The following LGSN variants were observed in gnomAD, a reference collection of about 807,000 sequenced individuals.
The protein encoded by LGSN is lengsin.
In LGSN, 21 loss-of-function variants were observed where a neutral mutation model predicts 19.5. The observed-to-expected ratio is 1.07, with a 90% CI of 0.76 to 1.55. The LOEUF (loss-of-function observed/expected upper bound fraction) is 1.55. Ranked by LOEUF, LGSN falls within the 40% of genes most tolerant of loss-of-function variation. The pLI, the probability that LGSN is intolerant of heterozygous loss-of-function variation, is 0.00. For synonymous variants in LGSN, 257 were observed against 215.6 expected, an observed-to-expected ratio of 1.19 and a Z score of -1.68; for missense variants, 673 against 608.5, an observed-to-expected ratio of 1.11 and a Z score of -1.12.
At chr6:63,300,928 G>T (rs1024772956) in intron 1 of LGSN, among the ~76,000 whole-genome samples, 5 of 152,068 alleles carry the variant, frequency 3.3e-5, no homozygotes, top group Admixed American at 2.0e-4. Flanking sequence ...AACTTCCTAG[G>T]TTTTACACTG....
chr6:63,486,929 G>A, the LGSN span, among the ~76,000 whole-genome samples: 3 of 151,624 alleles, frequency 2.0e-5, no homozygotes, highest in South Asian at 2.1e-4. Context: ...TCCACCTCCC[G>A]GGTTCCAGTG....
the LGSN span, among the ~76,000 whole-genome samples, chr6:63,518,699 T>A: frequency 3.9e-5 from 6 of 152,230 alleles, no homozygotes; most frequent in Non-Finnish European, 8.8e-5. Context: ...GCCTTCACAG[T>A]GTACTAACAA....
chr6:63,527,340 C>T, the LGSN span, among the ~76,000 whole-genome samples: 4 of 152,160 alleles, frequency 2.6e-5, no homozygotes, highest in Non-Finnish European at 4.4e-5. Context: ...CTTACAGATT[C>T]TCGTATCACC....
chr6:63,395,270 A>G, the LGSN span: 1 of 152,254 alleles, frequency 6.6e-6, no homozygotes, highest in Non-Finnish European at 1.5e-5. Context: ...ATAGTGAAGT[A>G]TAATAAAGTT....
chr6:63,469,481 T>C, the LGSN span, among the ~76,000 whole-genome samples: 1 of 152,168 alleles, frequency 6.6e-6, no homozygotes, highest in African/African-American at 2.4e-5. Context: ...GGACCACCAA[T>C]ATTCAAGACA....
the LGSN span, among the ~76,000 whole-genome samples, chr6:63,349,400 C>T: frequency 2.9e-3 from 446 of 152,232 alleles, 3 homozygotes; most frequent in African/African-American, 0.01. Context: ...ACCCTTGGTG[C>T]AAAAACACCT....
the LGSN span, among the ~76,000 whole-genome samples, chr6:63,474,566 A>G: frequency 2.0e-4 from 28 of 140,156 alleles, no homozygotes; most frequent in Non-Finnish European, 3.6e-4. Flanking sequence ...ACAAGATCAC[A>G]CCACTGCACT....
the LGSN span, among the ~76,000 whole-genome samples, chr6:63,565,062 G>C: frequency 1.3e-5 from 2 of 152,094 alleles, no homozygotes; most frequent in East Asian, 3.9e-4. Flanking sequence ...CCCAGATGGA[G>C]TGCAGTGGCA....
chr6:63,566,819 C>A, the LGSN span, among the ~76,000 whole-genome samples: 1 of 152,214 alleles, frequency 6.6e-6, no homozygotes, highest in African/African-American at 2.4e-5. Context: ...CACAAGAGAA[C>A]TCCTTTCAAA....
the LGSN span, among the ~76,000 whole-genome samples, chr6:63,472,506 CAG>C: frequency 2.4e-4 from 37 of 152,270 alleles, no homozygotes; most frequent in Non-Finnish European, 4.6e-4. Context: ...ATGAGCTCCC[CAG>C]AGAGAGTCAA....
At chr6:63,386,947 A>G in the LGSN span, among the ~76,000 whole-genome samples, 15 of 152,222 alleles carry the variant, frequency 9.9e-5, no homozygotes, top group East Asian at 2.7e-3. Context: ...TTAAAAATAC[A>G]AAAATCAGCC....
chr6:63,494,868 A>C, the LGSN span, among the ~76,000 whole-genome samples: 2 of 152,262 alleles, frequency 1.3e-5, no homozygotes. Context: ...TAAATTAGAT[A>C]ATATCAGTAG....
chr6:63,493,619 C>A, the LGSN span, among the ~76,000 whole-genome samples: 8 of 152,198 alleles, frequency 5.3e-5, no homozygotes, highest in Non-Finnish European at 1.2e-4. Context: ...GCAAAACCTG[C>A]ATGGAGAGGA....
At chr6:63,300,061 G>T (rs1768124197) in intron 1 of LGSN, among the ~76,000 whole-genome samples, 1 of 152,122 alleles carries the variant, frequency 6.6e-6, no homozygotes, top group Non-Finnish European at 1.5e-5. Flanking sequence ...GGTGGTCATG[G>T]TGAGGCCTGG....
chr6:63,293,859 G>A (rs1191917046), intron 2 of LGSN: 1 of 430,822 alleles, frequency 2.3e-6, no homozygotes, highest in Admixed American at 2.7e-5. Flanking sequence ...GATCCTCTCT[G>A]TAGTAATAAG....
the LGSN span, among the ~76,000 whole-genome samples, chr6:63,520,901 C>T: frequency 6.6e-6 from 1 of 151,934 alleles, no homozygotes; most frequent in African/African-American, 2.4e-5. Flanking sequence ...TACTATGCAG[C>T]CATAAAAAAG....
At chr6:63,442,450 G>A in the LGSN span, among the ~76,000 whole-genome samples, 1 of 115,152 alleles carries the variant, frequency 8.7e-6, no homozygotes, top group African/African-American at 2.7e-5. Context: ...CGTTTTGACA[G>A]GGTCCTGATT....
At chr6:63,446,230 C>T in the LGSN span, among the ~76,000 whole-genome samples, 77 of 122,260 alleles carry the variant, frequency 6.3e-4, no homozygotes, top group African/African-American at 2.2e-3. Context: ...GCCTGGGCGA[C>T]GAGACTGTGT....
chr6:63,370,329 T>C, the LGSN span, among the ~76,000 whole-genome samples: 1 of 152,120 alleles, frequency 6.6e-6, no homozygotes, highest in Admixed American at 6.5e-5. Context: ...ACTTAGTAGG[T>C]GTGAACACTC....
Sources: gnomAD v4.1 joint callset for allele counts (sites outside exome capture counted in the v4.1 genomes callset) on GRCh38, gnomAD v4.1.1 for gene constraint, MANE v1.5 for transcripts, NCBI Gene and HGNC (gene_info 2026-07-23, HGNC 2026-07-21) for gene names.